CAPS2: variants seen among roughly 807,000 people sequenced by gnomAD.
The protein encoded by CAPS2 is calcyphosin-2.
In CAPS2, 98 loss-of-function variants were observed where a neutral mutation model predicts 86.5. The ratio of observed to expected loss-of-function variants is 1.13; its 90% CI spans 0.96 to 1.34. The LOEUF (loss-of-function observed/expected upper bound fraction) is 1.34. Ranked by LOEUF, CAPS2 falls within the 40% of genes most tolerant of loss-of-function variation. CAPS2 has a pLI of 0.00. For missense variants in CAPS2, 729 were observed against 686.8 expected, an observed-to-expected ratio of 1.06 and a Z score of -0.69; for synonymous variants, 210 against 225.1, an observed-to-expected ratio of 0.93 and a Z score of 0.60.
intron 13 of CAPS2, among the ~76,000 whole-genome samples, chr12:75,291,081 C>A (rs2035773586): frequency 6.6e-6 from 1 of 151,910 alleles, no homozygotes; most frequent in South Asian, 2.1e-4. Context: ...GTTTAAGTAT[C>A]CAAAACTGAC....
chr12:75,301,884 C>T (rs7306925), intron 8 of CAPS2, among the ~76,000 whole-genome samples: 84,825 of 152,006 alleles, frequency 0.56, 23,991 homozygotes, highest in South Asian at 0.73. Context: ...CCCAAGTTCT[C>T]TACCAATACA....
intron 7 of CAPS2, among the ~76,000 whole-genome samples, chr12:75,311,724 C>CAAAAAAAAAAAAAAAAAAAAAA (rs1188952105): frequency 6.4e-5 from 1 of 15,656 alleles, no homozygotes; most frequent in East Asian, 1.8e-3. Context: ...AAAAAAAAAA[C>CAAAAAAAAAAAAAAAAAAAAAA]AAAAAAAAAA....
intron 3 of CAPS2, 37 bp downstream of exon 4, chr12:75,323,140 T>C: frequency 2.7e-6 from 4 of 1,494,770 alleles, no homozygotes; most frequent in Non-Finnish European, 3.6e-6. Flanking sequence ...ATATTGTGTT[T>C]TAATGTTTAT....
At chr12:75,343,821 G>A in intron 1 of CAPS2, 2 of 1,613,354 alleles carry the variant, frequency 1.2e-6, no homozygotes, top group South Asian at 2.2e-5. Context: ...AAAATATCTG[G>A]TTAGGTGGAA....
At chr12:75,338,750 T>G (rs1593653279) in intron 1 of CAPS2, among the ~76,000 whole-genome samples, 1 of 152,122 alleles carries the variant, frequency 6.6e-6, no homozygotes, top group East Asian at 1.9e-4. Flanking sequence ...CTCTCTCTCC[T>G]CCCACCGCCT....
intron 7 of CAPS2, among the ~76,000 whole-genome samples, chr12:75,307,515 A>G (rs901784352): frequency 2.0e-5 from 3 of 152,218 alleles, no homozygotes; most frequent in Non-Finnish European, 2.9e-5. Context: ...TATAGTTACA[A>G]TAATATATAG....
intron 8 of CAPS2, among the ~76,000 whole-genome samples, chr12:75,302,700 TAAG>T (rs2138610212): frequency 6.6e-6 from 1 of 152,268 alleles, no homozygotes; most frequent in South Asian, 2.1e-4. Context: ...AAATAAATAT[TAAG>T]AAGACAGACA....
intron 1 of CAPS2, among the ~76,000 whole-genome samples, chr12:75,387,422 T>C (rs903257576): frequency 6.6e-6 from 1 of 152,102 alleles, no homozygotes; most frequent in Non-Finnish European, 1.5e-5. Context: ...CTGACAAGGA[T>C]GTGGAGGAAC....
At chr12:75,345,031 GT>G (rs1313123084) in intron 1 of CAPS2, among the ~76,000 whole-genome samples, 1 of 152,116 alleles carries the variant, frequency 6.6e-6, no homozygotes, top group Non-Finnish European at 1.5e-5. Context: ...TCACATACAT[GT>G]TTTGATTAGT....
At chr12:75,345,867 C>T (rs1461816035) in intron 1 of CAPS2, among the ~76,000 whole-genome samples, 1 of 152,178 alleles carries the variant, frequency 6.6e-6, no homozygotes, top group African/African-American at 2.4e-5. Context: ...GCCCCTTCTC[C>T]CTTCGTATTA....
chr12:75,326,496 C>T (rs2040799498), exon 1 of CAPS2: 2 of 1,533,098 alleles, frequency 1.3e-6, no homozygotes, highest in South Asian at 1.2e-5. Flanking sequence ...CCTCTAAATC[C>T]ATTTGAGTTC....
chr12:75,343,932 T>A (rs771586842), intron 1 of CAPS2: 1 of 1,605,626 alleles, frequency 6.2e-7, no homozygotes, highest in African/African-American at 1.3e-5. Context: ...GTGGCCATTA[T>A]ACACAGGTAA....
chr12:75,352,271 T>C (rs972023339), intron 1 of CAPS2, among the ~76,000 whole-genome samples: 3 of 152,168 alleles, frequency 2.0e-5, no homozygotes, highest in African/African-American at 4.8e-5. Context: ...CCATCTCACA[T>C]GCAAAGACAT....
intron 1 of CAPS2, among the ~76,000 whole-genome samples, chr12:75,386,150 C>T (rs1180788243): frequency 6.6e-6 from 1 of 151,938 alleles, no homozygotes; most frequent in East Asian, 1.9e-4. Context: ...TGGAGACTGA[C>T]AAAATTATTC....
exon 4 of CAPS2, chr12:75,322,993 T>C (rs1293891874): frequency 6.5e-7 from 1 of 1,534,778 alleles, no homozygotes; most frequent in Non-Finnish European, 8.8e-7. Flanking sequence ...TAGATGATAC[T>C]GAGTATATGG....
intron 8 of CAPS2, among the ~76,000 whole-genome samples, chr12:75,302,933 A>G (rs1220810934): frequency 6.6e-6 from 1 of 152,214 alleles, no homozygotes; most frequent in Non-Finnish European, 1.5e-5. Flanking sequence ...GGGAGTGTAA[A>G]TTTCAGCAAC....
chr12:75,298,885 T>C, exon 10 of CAPS2: 1 of 1,610,234 alleles, frequency 6.2e-7, no homozygotes, highest in Non-Finnish European at 8.5e-7. Flanking sequence ...TTTTCCCAAA[T>C]TGTCGATATT....
chr12:75,351,378 TAATCATCAGATTC>T (rs2042799045), intron 1 of CAPS2, among the ~76,000 whole-genome samples: 1 of 152,030 alleles, frequency 6.6e-6, no homozygotes, highest in African/African-American at 2.4e-5. Flanking sequence ...CCAAGACACA[TAATCATCAGATTC>T]TCCAAGGTCA....
upstream of CAPS2, among the ~76,000 whole-genome samples, chr12:75,329,322 G>A (rs1017554795): frequency 2.0e-5 from 3 of 152,188 alleles, no homozygotes; most frequent in Non-Finnish European, 2.9e-5. Context: ...GGCTATGTTG[G>A]AGATAGGGAG....
Sources: gnomAD v4.1 joint callset for allele counts (sites outside exome capture counted in the v4.1 genomes callset) on GRCh38, gnomAD v4.1.1 for gene constraint, MANE v1.5 for transcripts, NCBI Gene and HGNC (gene_info 2026-07-23, HGNC 2026-07-21) for gene names.